Variants in DOCK1 observed in about 807,000 individuals in gnomAD.
DOCK1 encodes dedicator of cytokinesis protein 1.
A neutral mutation model predicts 262.7 loss-of-function variants in DOCK1; 138 were observed. The ratio of observed to expected loss-of-function variants is 0.53; its 90% CI spans 0.46 to 0.61. The LOEUF (loss-of-function observed/expected upper bound fraction) is 0.61, where lower values mean the gene tolerates loss of function less well. Among genes scored for constraint, DOCK1 ranks in the 20% least tolerant of loss-of-function variants. The probability of loss-of-function intolerance (pLI) is 0.00; values close to 1 mark genes in which losing one functional copy is unlikely to be tolerated. For synonymous variants in DOCK1, 866 were observed against 867.4 expected (o/e 1.00, Z 0.03); for missense variants, 1,908 against 2,370.7 (o/e 0.80, Z 4.05).
intron 45 of DOCK1, 126 bp downstream of exon 45, chr10:127,418,667 C>A (rs932468195): frequency 8.2e-7 from 1 of 1,221,374 alleles, no homozygotes; most frequent in Non-Finnish European, 1.1e-6. Flanking sequence ...GTGGCCCAGC[C>A]AAGGCCAGGC....
chr10:127,112,520 AG>A (rs1327710422), intron 25 of DOCK1, among the ~76,000 whole-genome samples: 1 of 152,172 alleles, frequency 6.6e-6, no homozygotes, highest in East Asian at 1.9e-4. Context: ...GGAAGTATGC[AG>A]GATGTGAATA....
intron 1 of DOCK1, among the ~76,000 whole-genome samples, chr10:126,928,847 G>C (rs1305860439): frequency 6.6e-6 from 1 of 152,236 alleles, no homozygotes; most frequent in African/African-American, 2.4e-5. Context: ...CTATTTCTAA[G>C]CGTTATTTTG....
At chr10:127,285,312 A>G (rs1179205429) in intron 29 of DOCK1, among the ~76,000 whole-genome samples, 1 of 152,262 alleles carries the variant, frequency 6.6e-6, no homozygotes, top group Non-Finnish European at 1.5e-5. Context: ...AGAGCTCAGT[A>G]TTAAAACATG....
chr10:127,247,662 A>G (rs2059477231), intron 27 of DOCK1, among the ~76,000 whole-genome samples: 1 of 152,220 alleles, frequency 6.6e-6, no homozygotes, highest in Non-Finnish European at 1.5e-5. Context: ...TAATAGTTAG[A>G]GAGAATAAAA....
intron 16 of DOCK1, among the ~76,000 whole-genome samples, chr10:127,028,056 T>G (rs1591728306): frequency 3.2e-5 from 1 of 30,846 alleles, no homozygotes; most frequent in African/African-American, 1.4e-4. Flanking sequence ...GGGTGGTGCA[T>G]GGCGGGGGAG....
chr10:127,040,534 T>C (rs1343941354), intron 19 of DOCK1, among the ~76,000 whole-genome samples: 1 of 152,178 alleles, frequency 6.6e-6, no homozygotes, highest in African/African-American at 2.4e-5. Context: ...AGGCTGTTGC[T>C]GCTGCTGTGG....
intron 1 of DOCK1, among the ~76,000 whole-genome samples, chr10:126,919,758 T>G (rs184528707): frequency 6.6e-6 from 1 of 152,274 alleles, no homozygotes; most frequent in African/African-American, 2.4e-5. Flanking sequence ...TGGGGGCAGG[T>G]GGTGGCTCCG....
intron 26 of DOCK1, among the ~76,000 whole-genome samples, chr10:127,127,315 T>C (rs1255477624): frequency 6.6e-6 from 1 of 152,244 alleles, no homozygotes; most frequent in African/African-American, 2.4e-5. Flanking sequence ...AGGACTGTTA[T>C]CTGCCTGCCT....
rs756189931 is a variant in DOCK1 at position 127,032,319 on chromosome 10, C to T, written c.1911C>T (p.Asn637=). Residue 637 remains asparagine (N), a splice_region_variant and synonymous_variant, in exon 18 of 52, where the codon AAC becomes AAT. Transcript: ENST00000623213. ...TLVCSTKLTQ[N]VDLLGLLKWR... is the part of the protein sequence containing the mutation. Reference sequence around the variant, plus strand: ...TGTGCTCCACCAAACTGACTCAGAACGGTGCGTTCGAGAGGAGAAACACAC... The same window carrying T: ...TGTGCTCCACCAAACTGACTCAGAATGGTGCGTTCGAGAGGAGAAACACAC... 2.7e-5 allele frequency: 41 copies of T among 1,534,268 alleles called. No individual in the cohort carries two copies. Among genetic ancestry groups the T allele is most frequent in the East Asian group, 4.7e-5 (2 of 42,730 alleles).
intron 27 of DOCK1, among the ~76,000 whole-genome samples, chr10:127,145,079 C>T (rs1270318269): frequency 6.6e-6 from 1 of 152,126 alleles, no homozygotes; most frequent in Non-Finnish European, 1.5e-5. Flanking sequence ...TACTGGAGAA[C>T]TTGCTTGACT....
chr10:127,260,031 G>C (rs2059966723), intron 29 of DOCK1, among the ~76,000 whole-genome samples: 1 of 152,156 alleles, frequency 6.6e-6, no homozygotes, highest in Non-Finnish European at 1.5e-5. Flanking sequence ...GGGATATTCT[G>C]TTGTTTCTGG....
chr10:127,086,370 C>T (rs896361051), intron 23 of DOCK1, among the ~76,000 whole-genome samples: 33 of 152,140 alleles, frequency 2.2e-4, no homozygotes, highest in African/African-American at 7.7e-4. Context: ...ACATTTTTAT[C>T]TGAAATGCAA....
intron 32 of DOCK1, among the ~76,000 whole-genome samples, chr10:127,358,369 G>C (rs111864052): frequency 1.8e-4 from 27 of 152,166 alleles, no homozygotes; most frequent in South Asian, 4.1e-4. Flanking sequence ...TTTTGAGTCT[G>C]AAAGGGGAAA....
chr10:127,394,024 T>C (rs1478380679), intron 38 of DOCK1, among the ~76,000 whole-genome samples: 2 of 152,114 alleles, frequency 1.3e-5, no homozygotes, highest in South Asian at 2.1e-4. Context: ...GTCTGTCTTA[T>C]TGTGTTTGGT....
chr10:127,352,830 T>A (rs1319628541), intron 31 of DOCK1, among the ~76,000 whole-genome samples: 1 of 152,094 alleles, frequency 6.6e-6, no homozygotes, highest in Non-Finnish European at 1.5e-5. Flanking sequence ...TGACCTCAGG[T>A]GATCCACCTG....
At chr10:127,264,048 G>C (rs1052410820) in intron 29 of DOCK1, among the ~76,000 whole-genome samples, 1 of 152,174 alleles carries the variant, frequency 6.6e-6, no homozygotes, top group Non-Finnish European at 1.5e-5. Context: ...ACAACATGTG[G>C]TGGGTGAGAG....
At chr10:127,001,846 A>G (rs1216736890) in intron 10 of DOCK1, among the ~76,000 whole-genome samples, 1 of 152,106 alleles carries the variant, frequency 6.6e-6, no homozygotes, top group Non-Finnish European at 1.5e-5. Context: ...GGGCTGGGGA[A>G]ATCCTTTTGC....
At chr10:127,049,968 C>CCTT (rs754139321) in intron 21 of DOCK1, among the ~76,000 whole-genome samples, 1 of 100,074 alleles carries the variant, frequency 1.0e-5, no homozygotes, top group East Asian at 3.2e-4. Flanking sequence ...AAACTGGCCT[C>CCTT]TTTTTTTTTT....
At chr10:127,393,972 A>T (rs1197006200) in intron 38 of DOCK1, among the ~76,000 whole-genome samples, 1 of 151,762 alleles carries the variant, frequency 6.6e-6, no homozygotes, top group Non-Finnish European at 1.5e-5. Context: ...GTTTGGTTTT[A>T]TCATGGCAGA....
Sources: allele counts gnomAD v4.1 joint callset (sites outside exome capture counted in the v4.1 genomes callset), GRCh38; gene constraint gnomAD v4.1.1; transcripts MANE v1.5; gene names NCBI Gene and HGNC (gene_info 2026-07-23, HGNC 2026-07-21).